Variants in NMRAL1 observed in about 807,000 individuals in gnomAD.
The protein encoded by NMRAL1 is NmrA like redox sensor 1.
In NMRAL1, 32 loss-of-function variants were observed where a neutral mutation model predicts 27.5. That is an observed-to-expected ratio of 1.16 (90% CI 0.88 to 1.56). NMRAL1 has a LOEUF of 1.56. Among genes scored for constraint, NMRAL1 ranks in the 40% most tolerant of loss-of-function variants. The pLI is 0.00. For missense variants in NMRAL1, 420 were observed against 392.0 expected, an observed-to-expected ratio of 1.07 and a Z score of -0.60; for synonymous variants, 166 against 166.8, an observed-to-expected ratio of 1.00 and a Z score of 0.04.
chr16:4,463,496 C>A lies in NMRAL1; in HGVS notation c.720+164G>T, dbSNP rs556007977. 6.5e-6 allele frequency: 4 copies of A among 612,766 alleles called. No individual in the cohort carries two copies. In the South Asian group the frequency reaches 9.0e-5, roughly 14 times the overall value. 38.0% of individuals were successfully genotyped at this position (612,766 alleles called of 1,614,324 possible). On this transcript the variant is annotated intron_variant, in intron 5 of 5. Transcript: ENST00000283429. ...AAACATCTAAGCCAGAAATTTCACT[C>A]TGTGGCCAGTTAGCTCCTGGAACAG...
intron 2 of NMRAL1, among the ~76,000 whole-genome samples, chr16:4,473,195 C>A (rs1398704248): frequency 6.6e-6 from 1 of 151,940 alleles, no homozygotes; most frequent in African/African-American, 2.4e-5. Context: ...TCTCAAACAC[C>A]TCAGCTCAAG....
intron 5 of NMRAL1, among the ~76,000 whole-genome samples, chr16:4,463,073 T>TGG (rs2057170229): frequency 1.3e-5 from 2 of 152,016 alleles, no homozygotes; most frequent in Non-Finnish European, 2.9e-5. Context: ...CAGGCTGGTC[T>TGG]CAAACTCCTG....
intron 2 of NMRAL1, among the ~76,000 whole-genome samples, chr16:4,472,167 C>T (rs1373613777): frequency 6.6e-6 from 1 of 152,116 alleles, no homozygotes; most frequent in Non-Finnish European, 1.5e-5. Context: ...GACGAATGGA[C>T]AAACAGAATA....
In NMRAL1 at chr16:4,463,653, G is replaced by GTCC. The variant is rs1368221114; in HGVS notation, c.720+6_720+7insGGA. On this transcript the variant is annotated splice_region_variant and intron_variant, in intron 5 of 5. Transcript: ENST00000283429. Reference sequence around the variant, plus strand: ...GATGCCTGAGTCACCTGGGGCGGGAGGCCCACCTTGGCATCGTGCACGACC... The same window carrying GTCC: ...GATGCCTGAGTCACCTGGGGCGGGAGTCCGCCCACCTTGGCATCGTGCACGACC... 1 of 1,612,274 alleles carries GTCC rather than the reference G, an allele frequency of 6.2e-7. No homozygotes were observed. Among genetic ancestry groups the GTCC allele is most frequent in the African/African-American group, 1.3e-5 (1 of 74,902 alleles).
chr16:4,472,776 A>T (rs1161899945), intron 2 of NMRAL1, among the ~76,000 whole-genome samples: 2 of 151,526 alleles, frequency 1.3e-5, no homozygotes, highest in Admixed American at 1.3e-4. Context: ...AAGCCCGGAC[A>T]CACACTACAA....
intron 4 of NMRAL1, 49 bp from the exon 5 acceptor site, chr16:4,463,899 G>A (rs1480204224): frequency 2.6e-6 from 4 of 1,536,554 alleles, no homozygotes; most frequent in African/African-American, 2.7e-5. Flanking sequence ...GCAGACAGGG[G>A]CAGGGACAGA....
At chr16:4,467,706 G>T (rs375595952) in intron 3 of NMRAL1, among the ~76,000 whole-genome samples, 1 of 138,596 alleles carries the variant, frequency 7.2e-6, no homozygotes, top group African/African-American at 2.7e-5. Flanking sequence ...TGCAACCTCC[G>T]CCTCTTGGGT....
intron 3 of NMRAL1, among the ~76,000 whole-genome samples, chr16:4,468,100 G>A (rs748578252): frequency 4.2e-4 from 64 of 151,836 alleles, no homozygotes; most frequent in Non-Finnish European, 8.2e-4. Flanking sequence ...GGGAGTTAGA[G>A]ACCAGCTTGA....
In NMRAL1 at chr16:4,461,706, G is replaced by C; in HGVS notation, c.*74C>G. On this transcript the variant is annotated 3_prime_UTR_variant, in exon 6 of 6. Transcript: ENST00000283429. ...CCTGGAAGCCATCTGGGAGAACAATGGCTTTATTCAGATGTTGGTGCCTCT... is the reference window on the plus strand; with the variant it reads ...CCTGGAAGCCATCTGGGAGAACAATCGCTTTATTCAGATGTTGGTGCCTCT... 5 of 1,380,900 alleles carry C rather than the reference G, an allele frequency of 3.6e-6. No individual in the cohort carries two copies. Among genetic ancestry groups the C allele is most frequent in the Non-Finnish European group, 4.9e-6 (5 of 1,010,728 alleles). The allele number at this position is 1,380,900 out of a possible 1,614,324, so 85.5% of individuals were successfully genotyped here. A position where few individuals can be genotyped will look rare whatever the true frequency, so the allele number is the denominator to read the frequency against.
chr16:4,462,859 ATTC>A (rs1324234938), intron 5 of NMRAL1, among the ~76,000 whole-genome samples: 2 of 149,474 alleles, frequency 1.3e-5, no homozygotes, highest in East Asian at 2.0e-4. Context: ...TGTTTCCCAG[ATTC>A]TTTTTTTTTT....
At chr16:4,472,744 A>T (rs2057620197) in intron 2 of NMRAL1, among the ~76,000 whole-genome samples, 1 of 111,522 alleles carries the variant, frequency 9.0e-6, no homozygotes, top group Non-Finnish European at 1.7e-5. Flanking sequence ...ACTCTGTCTC[A>T]AAAAAAAAAA....
At chr16:4,474,425 C>T (rs554615514) in intron 1 of NMRAL1, 129 bp downstream of exon 1, 1 of 423,522 alleles carries the variant, frequency 2.4e-6, no homozygotes, top group South Asian at 3.0e-5. Context: ...GGAGTGACCT[C>T]CTCGCCGCGG....
At chr16:4,464,087 C>T in intron 4 of NMRAL1, 2 of 537,526 alleles carry the variant, frequency 3.7e-6, no homozygotes, top group Non-Finnish European at 6.5e-6. Flanking sequence ...TTGAGGCTCT[C>T]TGAGCCTGGG....
In NMRAL1 at chr16:4,469,444, G is replaced by T; in HGVS notation, c.62C>A (p.Ala21Asp). Residue 21 changes from alanine to aspartate, a missense_variant, in exon 3 of 6, where the codon GCC becomes GAC. By Grantham distance (126) the Ala-to-Asp change is moderately radical. Coordinates refer to ENST00000283429, the MANE Select transcript of NMRAL1 (RefSeq NM_020677.6). ...GGTGAQGGSV[A>D]RTLLEDGTFK... is the part of the protein sequence containing the mutation. ...TGTCCCATCTTCCAGGAGTGTGCGG[G>T]CCACGGAGCCACCCTGGGCACCTAC... 1 of 1,613,822 alleles carries T rather than the reference G, an allele frequency of 6.2e-7. No homozygotes were observed. The highest frequency in any genetic ancestry group is 1.7e-5 in the Admixed American group (1 of 59,996).
chr16:4,474,442 C>T lies in NMRAL1; in HGVS notation c.-35+112G>A, dbSNP rs2058812. 4.0e-3 allele frequency: 1,494 copies of T among 376,994 alleles called. 6 individuals carry two copies. Among genetic ancestry groups the T allele is most frequent in the Non-Finnish European group, 5.9e-3 (1,198 of 203,244 alleles). The allele number at this position is 376,994 out of a possible 1,614,324, so 23.4% of individuals were successfully genotyped here. A position where few individuals can be genotyped will look rare whatever the true frequency, so the allele number is the denominator to read the frequency against. ...AGTGACCTCCTCGCCGCGGCCTGGG[C>T]GGGACAAGTTCCAGGAGCCCGGGAC... On this transcript the variant is annotated intron_variant, in intron 1 of 5. Coordinates refer to ENST00000283429, the MANE Select transcript of NMRAL1 (RefSeq NM_020677.6).
rs1163922895 is a variant in NMRAL1 at position 4,461,753 on chromosome 16, C to T, written c.*27G>A. ...CTCTGCCCCTCTGGTGCCCCCGATC[C>T]CCACAAGGGGCCGCGAGGCGGGCAG... On this transcript the variant is annotated 3_prime_UTR_variant, in exon 6 of 6. Coordinates refer to ENST00000283429, the MANE Select transcript of NMRAL1 (RefSeq NM_020677.6). The T allele has an allele frequency of 3.8e-6, 6 of 1,575,172 alleles. No individual in the cohort carries two copies. Among genetic ancestry groups the T allele is most frequent in the African/African-American group, 1.4e-5 (1 of 73,362 alleles).
intron 2 of NMRAL1, among the ~76,000 whole-genome samples, chr16:4,471,822 A>G (rs1198373128): frequency 6.6e-6 from 1 of 151,772 alleles, no homozygotes; most frequent in Non-Finnish European, 1.5e-5. Context: ...GCTGTAATCT[A>G]AGCACTTTGG....
Position 4,469,390 on chromosome 16 carries a change from G to A in NMRAL1, c.116C>T (p.Pro39Leu), listed in dbSNP as rs1007693416. 8.1e-6 allele frequency: 13 copies of A among 1,614,012 alleles called. No homozygotes were observed. Among genetic ancestry groups the A allele is most frequent in the Non-Finnish European group, 7.6e-6 (9 of 1,180,034 alleles). Reference sequence around the variant, plus strand: ...CAGCTCCTTTGCTGCCTTCTTCCTAGGGTTTCGGGTCACCACTCGAACCTT... The same window carrying A: ...CAGCTCCTTTGCTGCCTTCTTCCTAAGGTTTCGGGTCACCACTCGAACCTT... ...TFKVRVVTRN[P>L]RKKAAKELRL... Residue 39 changes from proline to leucine, a missense_variant, in exon 3 of 6, where the codon CCT (proline) becomes CTT (leucine). Pro to Leu is a moderately conservative substitution (Grantham distance 98). Transcript: ENST00000283429.
intron 2 of NMRAL1, among the ~76,000 whole-genome samples, chr16:4,472,311 G>T (rs2057598212): frequency 6.6e-6 from 1 of 151,888 alleles, no homozygotes; most frequent in Non-Finnish European, 1.5e-5. Flanking sequence ...GTGTGGTGGT[G>T]CACACCTGTA....
Sources: allele counts gnomAD v4.1 joint callset (sites outside exome capture counted in the v4.1 genomes callset), GRCh38; gene constraint gnomAD v4.1.1; transcripts MANE v1.5; gene names NCBI Gene and HGNC (gene_info 2026-07-23, HGNC 2026-07-21).